The following ASH1L variants were observed in gnomAD, a reference collection of about 807,000 sequenced individuals.
ASH1L encodes the protein histone-lysine N-methyltransferase ASH1L.
ASH1L carries 23 observed loss-of-function variants against 269.0 expected under a neutral mutation model. The ratio of observed to expected loss-of-function variants is 0.09; its 90% confidence interval spans 0.06 to 0.12. The LOEUF (loss-of-function observed/expected upper bound fraction) is 0.12, where lower values mean the gene tolerates loss of function less well. Ranked by LOEUF, ASH1L falls within the 10% of genes least tolerant of loss-of-function variation. The pLI is 1.00. For missense variants in ASH1L, 2,912 were observed against 3,567.8 expected, an observed-to-expected ratio of 0.82 and a Z score of 4.68; for synonymous variants, 1,187 against 1,253.5, an observed-to-expected ratio of 0.95 and a Z score of 1.12.
At chr1:155,505,169 T>G (rs952334962) in intron 2 of ASH1L, among the ~76,000 whole-genome samples, 1 of 152,236 alleles carries the variant, frequency 6.6e-6, no homozygotes, top group Non-Finnish European at 1.5e-5. Flanking sequence ...GTCAAATTCT[T>G]GTTTTACAGC....
At chr1:155,411,606 T>C (rs1196755008) in intron 6 of ASH1L, among the ~76,000 whole-genome samples, 1 of 109,802 alleles carries the variant, frequency 9.1e-6, no homozygotes, top group African/African-American at 3.3e-5. Flanking sequence ...TATATATATA[T>C]ATATATATAT....
intron 6 of ASH1L, among the ~76,000 whole-genome samples, chr1:155,413,822 A>G (rs936619119): frequency 6.6e-6 from 1 of 152,064 alleles, no homozygotes; most frequent in African/African-American, 2.4e-5. Context: ...ACTTTGAACT[A>G]CATACTTCAC....
chr1:155,419,442 G>C (rs1438548956), intron 5 of ASH1L: 1 of 151,418 alleles, frequency 6.6e-6, no homozygotes, highest in Non-Finnish European at 1.5e-5. Flanking sequence ...ACAATACAGA[G>C]ATGAGCATGG....
chr1:155,361,134 A>G (rs1654904220), intron 12 of ASH1L, among the ~76,000 whole-genome samples: 1 of 152,072 alleles, frequency 6.6e-6, no homozygotes, highest in African/African-American at 2.4e-5. Flanking sequence ...CTGTAATCCC[A>G]GCATTTTGGG....
chr1:155,338,507 G>A (rs1165369680), intron 26 of ASH1L, 117 bp from the exon 27 acceptor site: 1 of 837,094 alleles, frequency 1.2e-6, no homozygotes, highest in Non-Finnish European at 1.8e-6. Flanking sequence ...GCCTTAGCTT[G>A]AGGTAAGAAA....
chr1:155,344,078 T>C, intron 22 of ASH1L, 105 bp downstream of exon 22: 1 of 967,724 alleles, frequency 1.0e-6, no homozygotes, highest in Non-Finnish European at 1.6e-6. Flanking sequence ...ATTCTATTGC[T>C]ATTCGAGGCC....
At chr1:155,518,775 G>C (rs1471218711) in intron 2 of ASH1L, among the ~76,000 whole-genome samples, 3 of 145,434 alleles carry the variant, frequency 2.1e-5, no homozygotes, top group Non-Finnish European at 4.5e-5. Flanking sequence ...GAGAGGCAGA[G>C]ACAGGGAGCA....
intron 6 of ASH1L, among the ~76,000 whole-genome samples, chr1:155,412,533 G>A (rs758302152): frequency 6.6e-6 from 1 of 152,156 alleles, no homozygotes; most frequent in Non-Finnish European, 1.5e-5. Context: ...AAAGCTCTAT[G>A]CTCCTTCCCC....
intron 3 of ASH1L, among the ~76,000 whole-genome samples, chr1:155,467,230 C>T (rs553796856): frequency 2.0e-5 from 3 of 152,300 alleles, no homozygotes; most frequent in African/African-American, 7.2e-5. Context: ...AAATAACTGA[C>T]ATTCCAGGTC....
At chr1:155,545,207 A>AAAAAAAAAAAAAGAAAT (rs1670720124) in intron 1 of ASH1L, among the ~76,000 whole-genome samples, 1 of 145,038 alleles carries the variant, frequency 6.9e-6, no homozygotes, top group Non-Finnish European at 1.5e-5. Flanking sequence ...AAAAAAAAAA[A>AAAAAAAAAAAAAGAAAT]GCTATGTTTT....
rs116056992 is a variant in ASH1L, at chr1:155,430,169, T to C, written c.5828+8158A>G. ...TTTTAAGTTTTTTGTAGAGATGGAG[T>C]TTCCCTATGTTGCCCAGGGTGGTCT... is the stretch of plus-strand genomic sequence containing the variant. On this transcript the variant is annotated intron_variant, in intron 5 of 27. Coordinates refer to ENST00000392403, the MANE Select transcript of ASH1L (RefSeq NM_018489.3). 7.7e-3 allele frequency among the ~76,000 whole-genome samples: 1,168 copies of C among 151,590 alleles called. 16 individuals are homozygous for C. Among genetic ancestry groups the C allele is most frequent in the African/African-American group, 0.027 (1,135 of 41,300 alleles).
intron 2 of ASH1L, among the ~76,000 whole-genome samples, chr1:155,497,023 A>T (rs1251728506): frequency 2.0e-5 from 3 of 151,918 alleles, no homozygotes; most frequent in African/African-American, 7.3e-5. Flanking sequence ...TAACCCTTTT[A>T]ATTTCTGTTT....
chr1:155,396,762 G>C (rs1232146662), intron 6 of ASH1L, among the ~76,000 whole-genome samples: 1 of 151,142 alleles, frequency 6.6e-6, no homozygotes, highest in Non-Finnish European at 1.5e-5. Flanking sequence ...AGGAGTTCGA[G>C]ACAGGCCTGG....
intron 16 of ASH1L, 135 bp downstream of exon 16, chr1:155,354,338 G>T: frequency 1.4e-6 from 1 of 715,376 alleles, no homozygotes; most frequent in Non-Finnish European, 2.2e-6. Context: ...AGCTACTCAG[G>T]AGGCTGAGGC....
rs1484565811 is a variant in ASH1L at position 155,352,694 on chromosome 1, G to A, written c.7366+12C>T. ...AGAAAAAAAGAACGAATTTGAAGGTGGTTATAGTCACCTTTATAAGAGATG... is the reference window on the plus strand; with the variant it reads ...AGAAAAAAAGAACGAATTTGAAGGTAGTTATAGTCACCTTTATAAGAGATG... On this transcript the variant is annotated intron_variant, in intron 17 of 27. Transcript: ENST00000392403. The A allele has an allele frequency of 6.4e-7, 1 of 1,572,308 alleles. No homozygotes were observed.
At chr1:155,498,073 C>A (rs774731442) in intron 2 of ASH1L, among the ~76,000 whole-genome samples, 4 of 151,988 alleles carry the variant, frequency 2.6e-5, no homozygotes, top group Non-Finnish European at 5.9e-5. Context: ...CTAACGAATG[C>A]TAAAACATGG....
At chr1:155,515,250 G>T (rs1182664836) in intron 2 of ASH1L, among the ~76,000 whole-genome samples, 1 of 152,098 alleles carries the variant, frequency 6.6e-6, no homozygotes, top group African/African-American at 2.4e-5. Flanking sequence ...TCAAAAGTTG[G>T]ACGAATTGGA....
chr1:155,554,877 C>G (rs1216679625), intron 1 of ASH1L, among the ~76,000 whole-genome samples: 3 of 152,058 alleles, frequency 2.0e-5, no homozygotes, highest in Non-Finnish European at 4.4e-5. Flanking sequence ...TGTGGTGGCT[C>G]ACACCTGTAA....
chr1:155,551,540 G>A (rs978011061), intron 1 of ASH1L, among the ~76,000 whole-genome samples: 5 of 143,040 alleles, frequency 3.5e-5, no homozygotes, highest in Non-Finnish European at 7.7e-5. Context: ...GGCGCCTGTA[G>A]TCCCAGCTAC....
Sources: gnomAD v4.1 joint callset for allele counts (sites outside exome capture counted in the v4.1 genomes callset) on GRCh38, gnomAD v4.1.1 for gene constraint, MANE v1.5 for transcripts, NCBI Gene and HGNC (gene_info 2026-07-23, HGNC 2026-07-21) for gene names.